The following SGCD variants were observed in gnomAD, a reference collection of about 807,000 sequenced individuals.
SGCD encodes delta-sarcoglycan.
Under a neutral mutation model 36.6 loss-of-function variants are expected in SGCD, and 18 were observed. That is an observed-to-expected ratio of 0.49 (90% CI 0.34 to 0.73). The LOEUF is 0.73. Ranked by LOEUF, SGCD falls within the 30% of genes least tolerant of loss-of-function variation. The pLI is 0.01. For synonymous variants in SGCD, 133 were observed against 130.6 expected (o/e 1.02, Z -0.12); for missense variants, 387 against 346.7 (o/e 1.12, Z -0.92).
At chr5:156,189,544 A>G (rs1763840386) in intron 3 of SGCD, among the ~76,000 whole-genome samples, 1 of 152,112 alleles carries the variant, frequency 6.6e-6, no homozygotes, top group African/African-American at 2.4e-5. Flanking sequence ...AAAAGCGATA[A>G]AGGGAGAGAG....
rs943055526 is a variant in SGCD, at chr5:156,402,847, A to G, written c.192+58170A>G. On this transcript the variant is annotated intron_variant, in intron 3 of 8. Coordinates refer to ENST00000337851, the MANE Select transcript of SGCD (RefSeq NM_000337.6). ...GGCTCTTTGTGTTGATGCGGTCACC[A>G]TGGTTACCGCGTTCCCCAAAGACAT... Among the ~76,000 whole-genome samples the G allele has an allele frequency of 3.9e-5, 6 of 152,134 alleles. No individual in the cohort carries two copies. In the East Asian group the frequency reaches 1.2e-3, roughly 29 times the overall value.
intron 1 of SGCD, among the ~76,000 whole-genome samples, chr5:155,978,811 G>A (rs112900707): frequency 0.068 from 10,325 of 151,884 alleles, 512 homozygotes; most frequent in Non-Finnish European, 0.1. Flanking sequence ...GGGGGAGGGG[G>A]GATATTGGAG....
intron 1 of SGCD, among the ~76,000 whole-genome samples, chr5:155,882,109 T>C (rs772752654): frequency 6.6e-6 from 1 of 152,110 alleles, no homozygotes; most frequent in Non-Finnish European, 1.5e-5. Flanking sequence ...ATTATTATTA[T>C]TATTTTTCTT....
chr5:156,549,816 C>T (rs1049536585), intron 4 of SGCD, among the ~76,000 whole-genome samples: 5 of 152,190 alleles, frequency 3.3e-5, no homozygotes, highest in African/African-American at 1.2e-4. Flanking sequence ...TACCCAAACC[C>T]TTTCTACTAA....
At chr5:156,037,265 G>A (rs73812917) in intron 1 of SGCD, among the ~76,000 whole-genome samples, 21,760 of 152,190 alleles carry the variant, frequency 0.14, 1,796 homozygotes, top group Non-Finnish European at 0.19. Context: ...TGGGGACAAG[G>A]AGCCATCTGA....
At chr5:155,918,298 C>A (rs1049597484) in intron 1 of SGCD, among the ~76,000 whole-genome samples, 5 of 152,212 alleles carry the variant, frequency 3.3e-5, no homozygotes, top group African/African-American at 1.2e-4. Flanking sequence ...CACAGTGGCT[C>A]ACGCCTGTAA....
chr5:156,566,906 C>A (rs934802167), intron 4 of SGCD, among the ~76,000 whole-genome samples: 1 of 151,998 alleles, frequency 6.6e-6, no homozygotes, highest in African/African-American at 2.4e-5. Flanking sequence ...ATTATGATAC[C>A]TGAAACCATC....
At chr5:156,432,528 A>G (rs1753069565) in intron 3 of SGCD, among the ~76,000 whole-genome samples, 1 of 152,044 alleles carries the variant, frequency 6.6e-6, no homozygotes, top group Non-Finnish European at 1.5e-5. Flanking sequence ...GCTCCCCAAG[A>G]GTTTATGTCC....
the SGCD span, among the ~76,000 whole-genome samples, chr5:155,840,065 C>T: frequency 6.9e-6 from 1 of 143,892 alleles, no homozygotes; most frequent in Non-Finnish European, 1.5e-5. Context: ...AATGATATTT[C>T]CTTTGACTTT....
intron 1 of SGCD, among the ~76,000 whole-genome samples, chr5:155,996,778 C>CCA (rs1758553880): frequency 1.6e-5 from 1 of 61,482 alleles, no homozygotes; most frequent in African/African-American, 5.6e-5. Flanking sequence ...GACTCTGTTT[C>CCA]AAAAAAAAAA....
At chr5:156,632,283 G>A (rs1196337702) in intron 6 of SGCD, among the ~76,000 whole-genome samples, 1 of 151,958 alleles carries the variant, frequency 6.6e-6, no homozygotes, top group East Asian at 1.9e-4. Context: ...ATTCCCTTCT[G>A]TATCCTGGGG....
chr5:155,847,940 A>G, the SGCD span, among the ~76,000 whole-genome samples: 2 of 152,198 alleles, frequency 1.3e-5, no homozygotes. Flanking sequence ...ACTGAGGAGG[A>G]GATAACCAAA....
chr5:155,804,894 G>T, the SGCD span, among the ~76,000 whole-genome samples: 5 of 152,196 alleles, frequency 3.3e-5, no homozygotes, highest in Non-Finnish European at 7.3e-5. Flanking sequence ...GAACATAGGT[G>T]TTGCCTGTAA....
At chr5:156,236,191 T>C (rs1160146597) in intron 3 of SGCD, among the ~76,000 whole-genome samples, 1 of 152,198 alleles carries the variant, frequency 6.6e-6, no homozygotes, top group East Asian at 1.9e-4. Flanking sequence ...TTAAATCATT[T>C]TTTTTTCTCA....
Position 156,015,399 on chromosome 5 carries a change from T to C in SGCD, c.-281-102479T>C, listed in dbSNP as rs116781475. ...ATACATCTTCATTATCTTTTGAGCATTTATTCCCTTGCTTTCTGGCACGAG... is the reference window on the plus strand; with the variant it reads ...ATACATCTTCATTATCTTTTGAGCACTTATTCCCTTGCTTTCTGGCACGAG... On this transcript the variant is annotated intron_variant, in intron 1 of 9. Transcript: ENST00000517913. Among the ~76,000 whole-genome samples the C allele has an allele frequency of 2.7e-3, 405 of 152,254 alleles. 1 individual carries two copies. Among genetic ancestry groups the C allele is most frequent in the Non-Finnish European group, 4.6e-3 (311 of 68,020 alleles).
intron 6 of SGCD, among the ~76,000 whole-genome samples, chr5:156,610,531 C>T (rs1205416078): frequency 2.0e-5 from 3 of 152,232 alleles, no homozygotes; most frequent in Non-Finnish European, 4.4e-5. Context: ...CTCAGATCTC[C>T]AGCTGCGTGC....
At chr5:156,716,047 A>G (rs1755208605) in intron 7 of SGCD, among the ~76,000 whole-genome samples, 1 of 152,190 alleles carries the variant, frequency 6.6e-6, no homozygotes. Context: ...AACTATATTT[A>G]GTATAAATGA....
chr5:156,167,540 C>T (rs547037680), intron 3 of SGCD, among the ~76,000 whole-genome samples: 4 of 152,164 alleles, frequency 2.6e-5, no homozygotes, highest in Middle Eastern at 3.4e-3. Flanking sequence ...GCCTAGGAGG[C>T]GTCTGGATCA....
the SGCD span, among the ~76,000 whole-genome samples, chr5:155,742,422 G>T: frequency 6.6e-6 from 1 of 152,138 alleles, no homozygotes; most frequent in Non-Finnish European, 1.5e-5. Context: ...CTTGGGGAAT[G>T]CAGAAGCAGT....
Sources: gnomAD v4.1 joint callset for allele counts (sites outside exome capture counted in the v4.1 genomes callset) on GRCh38, gnomAD v4.1.1 for gene constraint, MANE v1.5 for transcripts, NCBI Gene and HGNC (gene_info 2026-07-23, HGNC 2026-07-21) for gene names.